Variants in PIK3CA observed in about 807,000 individuals in gnomAD.
PIK3CA encodes the protein phosphatidylinositol 4,5-bisphosphate 3-kinase catalytic subunit alpha isoform.
In PIK3CA, 27 loss-of-function variants were observed where a neutral mutation model predicts 138.2. That is an observed-to-expected ratio of 0.20 (90% CI 0.14 to 0.27). The LOEUF (loss-of-function observed/expected upper bound fraction) is 0.27. Ranked by LOEUF, PIK3CA falls within the 10% of genes least tolerant of loss-of-function variation. PIK3CA has a pLI of 1.00. For missense variants in PIK3CA, 544 were observed against 1,277.4 expected (o/e 0.43, Z 8.75); for synonymous variants, 358 against 413.2 (o/e 0.87, Z 1.62).
intron 1 of PIK3CA, among the ~76,000 whole-genome samples, chr3:179,167,979 T>G (rs1388961175): frequency 1.3e-5 from 2 of 152,180 alleles, no homozygotes; most frequent in Non-Finnish European, 2.9e-5. Context: ...CCTGTTGTAT[T>G]GTTTTTCCTG....
intron 16 of PIK3CA, among the ~76,000 whole-genome samples, chr3:179,225,333 A>G (rs7636471): frequency 0.24 from 36,250 of 151,860 alleles, 5,034 homozygotes; most frequent in African/African-American, 0.38. Flanking sequence ...GTTGCAAAGG[A>G]AGAGTGTAGT....
intron 1 of PIK3CA, among the ~76,000 whole-genome samples, chr3:179,163,636 C>CT (rs1171496634): frequency 6.6e-6 from 1 of 152,080 alleles, no homozygotes; most frequent in Admixed American, 6.5e-5. Flanking sequence ...ACTACAAATA[C>CT]TTTCAAAAGC....
intron 1 of PIK3CA, among the ~76,000 whole-genome samples, chr3:179,193,855 A>G (rs79786599): frequency 0.028 from 4,316 of 152,302 alleles, 100 homozygotes; most frequent in Non-Finnish European, 0.044. Flanking sequence ...CTTGACCCTT[A>G]AAGTGTTTTA....
At chr3:179,173,252 G>T (rs1233378810) in intron 1 of PIK3CA, among the ~76,000 whole-genome samples, 3 of 151,786 alleles carry the variant, frequency 2.0e-5, no homozygotes, top group African/African-American at 7.3e-5. Context: ...AATGGGAAAA[G>T]AATAGTCTTT....
rs149921864 is a variant in PIK3CA at position 179,232,919 on chromosome 3, G to A, written c.2937-1175G>A. Among the ~76,000 whole-genome samples the A allele has an allele frequency of 8.0e-3, 1,214 of 152,032 alleles. 26 individuals are homozygous for A. The highest frequency in any genetic ancestry group is 0.028 in the African/African-American group (1,173 of 41,460). The stretch of plus-strand genomic sequence containing the variant: ...GTCCCCCAGGCTAGAGCGTAGTGGT[G>A]CGATCTCAGCTCACTGCAACCTCCA... On this transcript the variant is annotated intron_variant, in intron 20 of 20. Coordinates refer to ENST00000263967, the MANE Select transcript of PIK3CA (RefSeq NM_006218.4).
intron 14 of PIK3CA, among the ~76,000 whole-genome samples, chr3:179,221,475 TC>T (rs1316006251): frequency 6.6e-6 from 1 of 152,204 alleles, no homozygotes; most frequent in African/African-American, 2.4e-5. Context: ...CCCTTTACTT[TC>T]CCTTCCTTTC....
At position 179,224,757 on chromosome 3, in the gene PIK3CA, G is replaced by A. The variant is rs1725044917; in HGVS notation, c.2352G>A (p.Glu784=). ...SAKRPLWLNW[E]NPDIMSELLF... ...AAAGGCCACTGTGGTTGAATTGGGA[G>A]AACCCAGACATCATGTCAGAGTTAC... The change falls in exon 16 of 21, where the codon GAG becomes GAA. Residue 784 remains glutamate, a synonymous_variant. Transcript: ENST00000263967. 6.2e-6 allele frequency: 10 copies of A among 1,604,660 alleles called. No homozygotes were observed. Among genetic ancestry groups the A allele is most frequent in the Non-Finnish European group, 8.5e-6 (10 of 1,172,000 alleles).
At chr3:179,229,532 G>A (rs1016527205) in intron 18 of PIK3CA, 90 bp downstream of exon 18, 6 of 894,240 alleles carry the variant, frequency 6.7e-6, no homozygotes, top group Middle Eastern at 2.5e-4. Flanking sequence ...AGTTAGAACA[G>A]AGAAAACAAT....
At chr3:179,200,455 T>C in intron 3 of PIK3CA, among the ~76,000 whole-genome samples, 1 of 152,086 alleles carries the variant, frequency 6.6e-6, no homozygotes, top group Non-Finnish European at 1.5e-5. Context: ...CAGATAAATA[T>C]CTATATTTTT....
chr3:179,218,905 G>C (rs1247513317), intron 10 of PIK3CA, among the ~76,000 whole-genome samples: 1 of 151,958 alleles, frequency 6.6e-6, no homozygotes, highest in Non-Finnish European at 1.5e-5. Context: ...GCTATATGAA[G>C]AGTGGTATAA....
chr3:179,162,322 TA>T (rs977203573), intron 1 of PIK3CA, among the ~76,000 whole-genome samples: 1 of 152,064 alleles, frequency 6.6e-6, no homozygotes, highest in Non-Finnish European at 1.5e-5. Context: ...TACAAGTAGA[TA>T]AACACATTAT....
At chr3:179,201,152 T>C (rs1724400245) in intron 3 of PIK3CA, 138 bp from the exon 4 acceptor site, 1 of 696,988 alleles carries the variant, frequency 1.4e-6, no homozygotes. Context: ...TTCTACCTGA[T>C]ATTTACCTAG....
At chr3:179,175,116 A>G (rs1184357663) in intron 1 of PIK3CA, among the ~76,000 whole-genome samples, 1 of 152,074 alleles carries the variant, frequency 6.6e-6, no homozygotes, top group East Asian at 1.9e-4. Context: ...GATTCCTCCT[A>G]TGCCCCATAC....
rs531550665 is a variant in PIK3CA at position 179,166,751 on chromosome 3, G to A, written c.-77+18148G>A. Among the ~76,000 whole-genome samples, 3 of 152,242 alleles carry A rather than the reference G, an allele frequency of 2.0e-5. No homozygotes were observed. The South Asian group carries it at 6.2e-4, about 32-fold the overall frequency. On this transcript the variant is annotated intron_variant, in intron 1 of 20. Transcript: ENST00000263967. The stretch of plus-strand genomic sequence containing the variant: ...ATGGGTTTCCACTGTAGTTTTGAAA[G>A]CTCAGTTTCCAAAGTTTAGATGTGT...
chr3:179,154,964 A>C (rs1723097960), intron 1 of PIK3CA, among the ~76,000 whole-genome samples: 1 of 152,200 alleles, frequency 6.6e-6, no homozygotes, highest in Non-Finnish European at 1.5e-5. Flanking sequence ...ATTTTTAAAA[A>C]TCTATAAGAA....
chr3:179,221,696 CTTTTTTTTTTT>C lies in PIK3CA; in HGVS notation c.2187+558_2187+568del, dbSNP rs200211358. Reference sequence around the variant, plus strand: ...CTAAGAGTAGGAAATACAATGTAAACTTTTTTTTTTTTTTTTTTTTTTTTTTTTTGAGACAG... The same window carrying C: ...CTAAGAGTAGGAAATACAATGTAAACTTTTTTTTTTTTTTTTTTGAGACAG... On this transcript the variant is annotated intron_variant, in intron 14 of 20. Transcript: ENST00000263967. Among the ~76,000 whole-genome samples, 8 of 77,584 alleles carry C rather than the reference CTTTTTTTTTTT, an allele frequency of 1.0e-4. No homozygotes were observed. The South Asian group carries it at 1.3e-3, about 13-fold the overall frequency. 50.9% of individuals were successfully genotyped at this position (77,584 alleles called of 152,430 possible).
chr3:179,226,172 C>A, intron 17 of PIK3CA, 132 bp downstream of exon 17: 1 of 518,324 alleles, frequency 1.9e-6, no homozygotes, highest in Non-Finnish European at 3.5e-6. Context: ...GTTGATTACA[C>A]TATAGTACTT....
At chr3:179,174,914 A>G (rs1029728097) in intron 1 of PIK3CA, among the ~76,000 whole-genome samples, 3 of 152,166 alleles carry the variant, frequency 2.0e-5, no homozygotes, top group Non-Finnish European at 2.9e-5. Context: ...ATGGGCTTCA[A>G]TCCATCTTTG....
chr3:179,229,147 G>T, intron 17 of PIK3CA, 125 bp from the exon 18 acceptor site: 1 of 631,818 alleles, frequency 1.6e-6, no homozygotes, highest in Non-Finnish European at 2.7e-6. Flanking sequence ...AATTAAAATT[G>T]GGGAAAGGCA....
Sources: allele counts gnomAD v4.1 joint callset (sites outside exome capture counted in the v4.1 genomes callset), GRCh38; gene constraint gnomAD v4.1.1; transcripts MANE v1.5; gene names NCBI Gene and HGNC (gene_info 2026-07-23, HGNC 2026-07-21).